Variants in CFHR3 observed in about 807,000 individuals in gnomAD.
The protein encoded by CFHR3 is complement factor H related 3, also known as complement factor H-related protein 3.
Under a neutral mutation model 36.0 loss-of-function variants are expected in CFHR3, and 22 were observed. The ratio of observed to expected loss-of-function variants is 0.61; its 90% CI spans 0.44 to 0.87. The LOEUF is 0.87. Ranked by LOEUF, CFHR3 falls within the 40% of genes least tolerant of loss-of-function variation. The pLI is 0.00. For missense variants in CFHR3, 276 were observed against 401.3 expected (o/e 0.69, Z 2.67); for synonymous variants, 97 against 137.4 (o/e 0.71, Z 2.06).
chr1:196,793,749 C>G lies in CFHR3; in HGVS notation c.*236C>G. 2.7e-6 allele frequency: 1 copy of G among 369,102 alleles called. No individual in the cohort carries two copies. The highest frequency in any genetic ancestry group is 4.8e-6 in the Non-Finnish European group (1 of 210,112). 22.9% of individuals were successfully genotyped at this position (369,102 alleles called of 1,614,324 possible). ...TAATAAAAACTACTCTTATATTGGA[C>G]TTCTTATCAATGAATTAGTAAGTAT... On this transcript the variant is annotated 3_prime_UTR_variant, in exon 6 of 6. Coordinates refer to ENST00000367425, the MANE Select transcript of CFHR3 (RefSeq NM_021023.6).
chr1:196,781,942 C>A (rs1288517998), intron 3 of CFHR3, among the ~76,000 whole-genome samples: 5 of 137,026 alleles, frequency 3.6e-5, no homozygotes, highest in Admixed American at 7.1e-5. Context: ...TTAGGTCTAT[C>A]ATTTAAGTCT....
At position 196,793,430 on chromosome 1, in the gene CFHR3, T is replaced by C. The variant is rs1250463656; in HGVS notation, c.910T>C (p.Leu304=). ...TGDTIEFMCK[L]GYNANTSILS... ...GGATACCATTGAATTTATGTGTAAATTGGGATATAATGCAAATACATCAAT... is the reference window on the plus strand; with the variant it reads ...GGATACCATTGAATTTATGTGTAAACTGGGATATAATGCAAATACATCAAT... Residue 304 remains leucine, a synonymous_variant, in exon 6 of 6, where the codon TTG becomes CTG. Coordinates refer to ENST00000367425, the MANE Select transcript of CFHR3 (RefSeq NM_021023.6). The C allele has an allele frequency of 6.5e-7, 1 of 1,527,386 alleles. No individual in the cohort carries two copies. The highest frequency in any genetic ancestry group is 8.9e-7 in the Non-Finnish European group (1 of 1,129,512). The allele number at this position is 1,527,386 out of a possible 1,614,324, so 94.6% of individuals were successfully genotyped here.
At chr1:196,776,166 T>C (rs1653709630) in intron 1 of CFHR3, among the ~76,000 whole-genome samples, 1 of 124,668 alleles carries the variant, frequency 8.0e-6, no homozygotes. Flanking sequence ...ATATGCACTA[T>C]ATTTTCTTAC....
chr1:196,791,958 G>A (rs184095061), intron 5 of CFHR3, among the ~76,000 whole-genome samples: 2 of 134,782 alleles, frequency 1.5e-5, no homozygotes, highest in East Asian at 4.0e-4. Flanking sequence ...AAGACTTTCA[G>A]TCTTCAAAAC....
At position 196,788,705 on chromosome 1, in the gene CFHR3, C is replaced by T. The variant is rs1455237598; in HGVS notation, c.613+307C>T. The T allele has an allele frequency of 3.4e-6, 5 of 1,454,618 alleles. 1 individual carries two copies. Among genetic ancestry groups the T allele is most frequent in the Non-Finnish European group, 4.6e-6 (5 of 1,097,236 alleles). The allele number at this position is 1,454,618 out of a possible 1,614,324, so 90.1% of individuals were successfully genotyped here. On this transcript the variant is annotated intron_variant, in intron 4 of 5. Coordinates refer to ENST00000367425, the MANE Select transcript of CFHR3 (RefSeq NM_021023.6). ...AAAATATGTTAGTTGCCAATAAAAA[C>T]TTTGTTGTCTTCCCTTTCTTTGTAT...
rs895865027 is a variant in CFHR3, at chr1:196,783,067, G to T, written c.430+3094G>T. Among the ~76,000 whole-genome samples, 5 of 136,834 alleles carry T rather than the reference G, an allele frequency of 3.7e-5. 2 individuals are homozygous for T. Among genetic ancestry groups the T allele is most frequent in the African/African-American group, 6.1e-5 (2 of 32,660 alleles). The allele number at this position is 136,834 out of a possible 152,430, so 89.8% of individuals were successfully genotyped here. A position where few individuals can be genotyped will look rare whatever the true frequency, so the allele number is the denominator to read the frequency against. On this transcript the variant is annotated intron_variant, in intron 3 of 5. Coordinates refer to ENST00000367425, the MANE Select transcript of CFHR3 (RefSeq NM_021023.6). Reference sequence around the variant, plus strand: ...CTGCATCTATTGAGATAATCATGTGGTTTTTGTCTTTGGTTCTGTCTATAT... The same window carrying T: ...CTGCATCTATTGAGATAATCATGTGTTTTTTGTCTTTGGTTCTGTCTATAT...
Position 196,793,173 on chromosome 1 carries a change from G to A in CFHR3, c.797-144G>A, listed in dbSNP as rs1172776824. The A allele has an allele frequency of 2.9e-5, 23 of 783,436 alleles. 5 individuals carry two copies. Among genetic ancestry groups the A allele is most frequent in the Middle Eastern group, 1.1e-3 (2 of 1,850 alleles). 48.5% of individuals were successfully genotyped at this position (783,436 alleles called of 1,614,324 possible). ...CTTATTATATTTTTGAAATGCTAAC[G>A]TCAGTATGTAGCACAAGTTAATAAC... On this transcript the variant is annotated intron_variant, in intron 5 of 5. Coordinates refer to ENST00000367425, the MANE Select transcript of CFHR3 (RefSeq NM_021023.6).
At position 196,776,192 on chromosome 1, in the gene CFHR3, C is replaced by T. The variant is rs1653711032; in HGVS notation, c.58+1248C>T. 1.5e-5 allele frequency among the ~76,000 whole-genome samples: 2 copies of T among 129,536 alleles called. 1 individual carries two copies. The highest frequency in any genetic ancestry group is 3.3e-5 in the Non-Finnish European group (2 of 61,416). 85.0% of individuals were successfully genotyped at this position (129,536 alleles called of 152,430 possible). On this transcript the variant is annotated intron_variant, in intron 1 of 5. Coordinates refer to ENST00000367425, the MANE Select transcript of CFHR3 (RefSeq NM_021023.6). ...ATTTTCTTACTTACTTTCTTAAAAG[C>T]ACTATAGAAAAGAATGATGACAAAT...
At position 196,777,999 on chromosome 1, in the gene CFHR3, A is replaced by AG. The variant is rs1354406556; in HGVS notation, c.59-1163_59-1162insG. On this transcript the variant is annotated intron_variant, in intron 1 of 5. Coordinates refer to ENST00000367425, the MANE Select transcript of CFHR3 (RefSeq NM_021023.6). ...AAGACTGTTAAAAAAAAAAAAAAAA[A>AG]AAAGAAAAGAAAGAAAAATTAAAAT... is the stretch of plus-strand genomic sequence containing the variant. Among the ~76,000 whole-genome samples the AG allele has an allele frequency of 2.1e-4, 27 of 130,386 alleles. 6 individuals carry two copies. Among genetic ancestry groups the AG allele is most frequent in the East Asian group, 4.0e-4 (2 of 4,940 alleles). The allele number at this position is 130,386 out of a possible 152,430, so 85.5% of individuals were successfully genotyped here.
At chr1:196,778,533 T>G (rs1181982434) in intron 1 of CFHR3, among the ~76,000 whole-genome samples, 1 of 136,432 alleles carries the variant, frequency 7.3e-6, no homozygotes, top group East Asian at 1.9e-4. Flanking sequence ...AATGTAAGAA[T>G]ATATATATAT....
At chr1:196,789,307 A>G in intron 4 of CFHR3, 1 of 862,534 alleles carries the variant, frequency 1.2e-6, no homozygotes, top group Non-Finnish European at 1.4e-6. Context: ...AAGAGAGAAA[A>G]AAGATACACT....
rs1654493137 is a variant in CFHR3 at position 196,793,456 on chromosome 1, T to G, written c.936T>G (p.Ile312Met). The G allele has an allele frequency of 6.5e-7, 1 of 1,526,974 alleles. No individual in the cohort carries two copies. 94.6% of individuals were successfully genotyped at this position (1,526,974 alleles called of 1,614,324 possible). A position where few individuals can be genotyped will look rare whatever the true frequency, so the allele number is the denominator to read the frequency against. The change falls in exon 6 of 6, where the codon ATT (isoleucine) becomes ATG (methionine). Residue 312 changes from isoleucine (I) to methionine (M), a missense_variant. Physicochemically the swap from Ile to Met is conservative, Grantham distance 10. Coordinates refer to ENST00000367425, the MANE Select transcript of CFHR3 (RefSeq NM_021023.6). Reference sequence around the variant, plus strand: ...TGGGATATAATGCAAATACATCAATTCTATCATTTCAAGCAGTGTGTCGGG... The same window carrying G: ...TGGGATATAATGCAAATACATCAATGCTATCATTTCAAGCAGTGTGTCGGG... ...CKLGYNANTS[I>M]LSFQAVCREG...
chr1:196,789,058 T>A, intron 4 of CFHR3: 1 of 1,162,494 alleles, frequency 8.6e-7, no homozygotes, highest in Non-Finnish European at 1.1e-6. Context: ...GAATGCATAA[T>A]GAACAAAGGA....
intron 3 of CFHR3, among the ~76,000 whole-genome samples, chr1:196,781,915 T>C (rs1472308359): frequency 7.3e-6 from 1 of 136,794 alleles, no homozygotes; most frequent in Non-Finnish European, 1.6e-5. Flanking sequence ...AGGTTTTCTT[T>C]TAGGGTTTTT....
rs1278960379 is a variant in CFHR3 at position 196,788,272 on chromosome 1, T to A, written c.487T>A (p.Ser163Thr). Residue 163 changes from serine to threonine, a missense_variant, in exon 4 of 6, where the codon TCT becomes ACT. By Grantham distance (58) the Ser-to-Thr change is moderately conservative (BLOSUM62 1). Transcript: ENST00000367425. ...IENGFISESS[S>T]IYILNKEIQY... Reference sequence around the variant, plus strand: ...AAATGGATTCATTTCCGAATCTTCCTCTATTTATATTTTAAATAAAGAAAT... The same window carrying A: ...AAATGGATTCATTTCCGAATCTTCCACTATTTATATTTTAAATAAAGAAAT... 3.7e-6 allele frequency: 5 copies of A among 1,338,926 alleles called. 1 individual carries two copies. In the Admixed American group the frequency reaches 1.1e-4, roughly 30 times the overall value. 82.9% of individuals were successfully genotyped at this position (1,338,926 alleles called of 1,614,324 possible).
At chr1:196,779,663 C>A in intron 2 of CFHR3, 134 bp from the exon 3 acceptor site, 1 of 1,170,698 alleles carries the variant, frequency 8.5e-7, no homozygotes, top group Non-Finnish European at 1.1e-6. Context: ...AATTTTGGTT[C>A]ATACTAAGTT....
rs1201872363 is a variant in CFHR3 at position 196,779,939 on chromosome 1, A to T, written c.396A>T (p.Lys132Asn). 13 of 1,533,006 alleles carry T rather than the reference A, an allele frequency of 8.5e-6. 1 individual carries two copies. Among genetic ancestry groups the T allele is most frequent in the Non-Finnish European group, 1.1e-5 (13 of 1,133,330 alleles). The allele number at this position is 1,533,006 out of a possible 1,614,324, so 95.0% of individuals were successfully genotyped here. The change falls in exon 3 of 6, where the codon AAA becomes AAT. Residue 132 changes from lysine to asparagine, a missense_variant. By Grantham distance (94) the Lys-to-Asn change is moderately conservative (BLOSUM62 0). Around this residue, in one of 3 missense-constraint regions of CFHR3, gnomAD observed 178 missense variants for 247.2 expected, o/e 0.72. Coordinates refer to ENST00000367425, the MANE Select transcript of CFHR3 (RefSeq NM_021023.6). ...AGACCACAGTTACATGTACGGAGAA[A>T]GGCTGGTCTCCTACTCCCAGATGCA... ...KAQTTVTCTE[K>N]GWSPTPRCIR...
intron 3 of CFHR3, among the ~76,000 whole-genome samples, chr1:196,783,812 C>G (rs4363383): frequency 0.28 from 37,729 of 134,300 alleles, 10,636 homozygotes; most frequent in East Asian, 0.5. Context: ...CTTCAGTTCT[C>G]CTCTGATTTT....
At chr1:196,786,722 C>G (rs1214401015) in intron 3 of CFHR3, among the ~76,000 whole-genome samples, 1 of 136,898 alleles carries the variant, frequency 7.3e-6, no homozygotes, top group Admixed American at 7.0e-5. Context: ...CTTTCTTTGA[C>G]TAGGAAAGGG....
Sources: gnomAD v4.1 joint callset for allele counts (sites outside exome capture counted in the v4.1 genomes callset) on GRCh38, gnomAD v4.1.1 for gene constraint, gnomAD v4.1.1 regional missense constraint, MANE v1.5 for transcripts, NCBI Gene and HGNC (gene_info 2026-07-23, HGNC 2026-07-21) for gene names.